FBXO34: variants seen among roughly 807,000 people sequenced by gnomAD.
FBXO34 encodes F-box protein 34, also known as F-box only protein 34.
FBXO34 carries 12 observed loss-of-function variants against 24.5 expected under a neutral mutation model. The ratio of observed to expected loss-of-function variants is 0.49; its 90% CI spans 0.31 to 0.79. FBXO34 has a LOEUF of 0.79. Ranked by LOEUF, FBXO34 falls within the 30% of genes least tolerant of loss-of-function variation. The pLI, the probability that FBXO34 is intolerant of heterozygous loss-of-function variation, is 0.04. For synonymous variants in FBXO34, 320 were observed against 311.9 expected (o/e 1.03, Z -0.27); for missense variants, 823 against 857.7 (o/e 0.96, Z 0.51).
downstream of FBXO34, among the ~76,000 whole-genome samples, chr14:55,364,943 C>T (rs1004933501): frequency 3.3e-5 from 5 of 150,576 alleles, no homozygotes; most frequent in Non-Finnish European, 7.4e-5. Context: ...ACTGGCTGGG[C>T]GCAGTGGCTC....
chr14:55,359,916 CAAAAA>C (rs34051939), intron 3 of FBXO34, among the ~76,000 whole-genome samples: 2 of 95,160 alleles, frequency 2.1e-5, no homozygotes, highest in Non-Finnish European at 2.2e-5. Context: ...CTTGTGCCTA[CAAAAA>C]AAAAAAAAAA....
chr14:55,413,971 T>G, the FBXO34 span: 1 of 514,600 alleles, frequency 1.9e-6, no homozygotes, highest in African/African-American at 1.9e-5. Context: ...GATTCGCATG[T>G]ATGTGGCCAA....
In FBXO34 at chr14:55,284,242, G is replaced by A. The variant is rs143741458; in HGVS notation, c.-11+12705G>A. On this transcript the variant is annotated intron_variant, in intron 1 of 1. Transcript: ENST00000313833. ...AAATTACAGTATATGGGTTGGGTGC[G>A]GTGGCTCACGCTTGCAGTCCCAGCA... is the stretch of plus-strand genomic sequence containing the variant. Among the ~76,000 whole-genome samples, 634 of 152,062 alleles carry A rather than the reference G, an allele frequency of 4.2e-3. 2 individuals carry two copies. The highest frequency in any genetic ancestry group is 7.0e-3 in the Non-Finnish European group (473 of 67,966).
At chr14:55,374,233 TGGG>T (rs1884878149), downstream of FBXO34, among the ~76,000 whole-genome samples, 1 of 151,878 alleles carries the variant, frequency 6.6e-6, no homozygotes, top group African/African-American at 2.4e-5. Flanking sequence ...TTTAAAGAGA[TGGG>T]GGTCTCACTG....
intron 1 of FBXO34, among the ~76,000 whole-genome samples, chr14:55,296,540 G>A (rs967632970): frequency 7.3e-5 from 11 of 151,552 alleles, no homozygotes; most frequent in African/African-American, 2.4e-4. Context: ...AATTACAGGC[G>A]CCTGCCACCA....
chr14:55,436,224 C>G, the FBXO34 span, among the ~76,000 whole-genome samples: 1 of 152,154 alleles, frequency 6.6e-6, no homozygotes, highest in Non-Finnish European at 1.5e-5. Context: ...ATTTGCAAAT[C>G]AAACTCAATT....
intron 1 of FBXO34, among the ~76,000 whole-genome samples, chr14:55,303,662 T>TA (rs550466413): frequency 0.01 from 1,506 of 148,352 alleles, 26 homozygotes; most frequent in African/African-American, 0.034. Flanking sequence ...TCTTTCTTTT[T>TA]AAAAAAAAAA....
the FBXO34 span, among the ~76,000 whole-genome samples, chr14:55,429,131 G>A: frequency 2.6e-5 from 4 of 152,270 alleles, no homozygotes; most frequent in Non-Finnish European, 4.4e-5. Context: ...CCATACTTTC[G>A]TCCCTAGCAC....
chr14:55,380,186 T>G, the FBXO34 span, among the ~76,000 whole-genome samples: 1 of 152,142 alleles, frequency 6.6e-6, no homozygotes, highest in Non-Finnish European at 1.5e-5. Context: ...AGGTGGAGGT[T>G]GCAGTGAGCA....
the FBXO34 span, among the ~76,000 whole-genome samples, chr14:55,441,791 G>C: frequency 1.3e-5 from 2 of 151,304 alleles, no homozygotes; most frequent in Admixed American, 6.6e-5. Flanking sequence ...CTTTTTTTGA[G>C]ACAGAGTCTG....
chr14:55,440,058 C>T, the FBXO34 span, among the ~76,000 whole-genome samples: 1 of 151,988 alleles, frequency 6.6e-6, no homozygotes, highest in Non-Finnish European at 1.5e-5. Context: ...TGAGATCGCG[C>T]CACTGCACTC....
chr14:55,300,142 A>G (rs74050969), intron 1 of FBXO34, among the ~76,000 whole-genome samples: 3,225 of 128,706 alleles, frequency 0.025, 120 homozygotes, highest in African/African-American at 0.08. Context: ...CTCAGATGTC[A>G]TAGTTTTAGT....
intron 1 of FBXO34, among the ~76,000 whole-genome samples, chr14:55,316,613 A>G (rs1220953165): frequency 3.4e-5 from 5 of 148,694 alleles, no homozygotes; most frequent in African/African-American, 1.2e-4. Flanking sequence ...CTATAGTCCC[A>G]CCTACTCAGG....
downstream of FBXO34, among the ~76,000 whole-genome samples, chr14:55,373,364 C>T (rs1415259408): frequency 6.6e-6 from 1 of 152,086 alleles, no homozygotes; most frequent in African/African-American, 2.4e-5. Context: ...GGAGTGTGTG[C>T]ATTGATGGAC....
the FBXO34 span, among the ~76,000 whole-genome samples, chr14:55,410,997 C>G: frequency 1.3e-5 from 2 of 152,196 alleles, no homozygotes; most frequent in Admixed American, 1.3e-4. Context: ...AGCTCCCAAT[C>G]TGAATTTTAA....
At chr14:55,292,185 C>T (rs374543857) in intron 1 of FBXO34, among the ~76,000 whole-genome samples, 27 of 151,992 alleles carry the variant, frequency 1.8e-4, no homozygotes, top group Non-Finnish European at 3.7e-4. Context: ...TCTCTGATTG[C>T]TAAATGGGTT....
In FBXO34 at chr14:55,350,445, A is replaced by G. The variant is rs1378339447; in HGVS notation, c.55A>G (p.Ser19Gly). The G allele has an allele frequency of 1.2e-6, 2 of 1,609,712 alleles. No homozygotes were observed. The highest frequency in any genetic ancestry group is 1.7e-6 in the Non-Finnish European group (2 of 1,178,538). ...LQKKEHPPEV[S>G]RETQRTPMNH... is the part of the protein sequence containing the mutation. ...GAAGAAAGAGCACCCCCCGGAAGTC[A>G]GCAGGGAAACGCAGAGAACTCCTAT... is the stretch of plus-strand genomic sequence containing the variant. The change falls in exon 2 of 2, where the codon AGC (serine) becomes GGC (glycine). Residue 19 changes from serine to glycine, a missense_variant. Ser to Gly is a moderately conservative substitution (Grantham distance 56). Transcript: ENST00000313833.
In FBXO34 at chr14:55,359,785, T is replaced by A. The variant is rs1278871321; in HGVS notation, c.*589-1948T>A. Among the ~76,000 whole-genome samples, 5 of 152,284 alleles carry A rather than the reference T, an allele frequency of 3.3e-5. No individual in the cohort carries two copies. The East Asian group carries it at 9.7e-4, about 29-fold the overall frequency. Reference sequence around the variant, plus strand: ...TGTCATTTCAATGATGTTTGTAGCATCTTTATCAGGAATAGATTTCATTTC... The same window carrying A: ...TGTCATTTCAATGATGTTTGTAGCAACTTTATCAGGAATAGATTTCATTTC... On this transcript the variant is annotated intron_variant and NMD_transcript_variant, in intron 3 of 3. Transcript: ENST00000555280.
chr14:55,425,874 C>T, the FBXO34 span, among the ~76,000 whole-genome samples: 10 of 152,186 alleles, frequency 6.6e-5, no homozygotes, highest in Non-Finnish European at 4.4e-5. Flanking sequence ...GGGACTATAG[C>T]TATATTGCTT....
Sources: gnomAD v4.1 joint callset for allele counts (sites outside exome capture counted in the v4.1 genomes callset) on GRCh38, gnomAD v4.1.1 for gene constraint, MANE v1.5 for transcripts, NCBI Gene and HGNC (gene_info 2026-07-23, HGNC 2026-07-21) for gene names.